CST1: variants seen among roughly 807,000 people sequenced by gnomAD.
The protein encoded by CST1 is cystatin-SN.
CST1 carries 19 observed loss-of-function variants against 10.7 expected under a neutral mutation model. The observed-to-expected ratio is 1.78, with a 90% CI of 1.24 to 2.61. The LOEUF (loss-of-function observed/expected upper bound fraction) is 2.61, where lower values mean the gene tolerates loss of function less well. Among genes scored for constraint, CST1 ranks in the 30% most tolerant of loss-of-function variants. The pLI, the probability that CST1 is intolerant of heterozygous loss-of-function variation, is 0.00. For synonymous variants in CST1, 95 were observed against 72.8 expected (o/e 1.31, Z -1.55); for missense variants, 247 against 178.1 (o/e 1.39, Z -2.20).
chr20:23,748,109 G>A (rs1982718320), intron 2 of CST1, among the ~76,000 whole-genome samples: 1 of 152,120 alleles, frequency 6.6e-6, no homozygotes, highest in African/African-American at 2.4e-5. Flanking sequence ...GGTGGCATTG[G>A]GACCCCACCC....
At position 23,747,619 on chromosome 20, in the gene CST1, A is replaced by G. The variant is rs1338467231; in HGVS notation, c.*197T>C. ...GGGGTGTGTACCATGTACCAGGGCT[A>G]TTAGAAGCAAGAAGGAAGGAGGGAG... On this transcript the variant is annotated 3_prime_UTR_variant, in exon 3 of 3. Coordinates refer to ENST00000304749, the MANE Select transcript of CST1 (RefSeq NM_001898.3). 1.3e-5 allele frequency: 8 copies of G among 605,350 alleles called. No individual in the cohort carries two copies. The highest frequency in any genetic ancestry group is 2.1e-5 in the Non-Finnish European group (7 of 339,348). 37.5% of individuals were successfully genotyped at this position (605,350 alleles called of 1,614,324 possible).
intron 1 of CST1, among the ~76,000 whole-genome samples, chr20:23,750,126 T>C (rs1600406537): frequency 6.6e-6 from 1 of 151,686 alleles, no homozygotes; most frequent in South Asian, 2.1e-4. Context: ...AGAGGCAGGG[T>C]CAGGCATGCT....
chr20:23,748,520 C>T (rs1169936566), intron 2 of CST1, among the ~76,000 whole-genome samples: 2 of 152,104 alleles, frequency 1.3e-5, no homozygotes, highest in Non-Finnish European at 2.9e-5. Flanking sequence ...AGAGCCCCTT[C>T]TCCCTGCCCA....
rs753225892 is a variant in CST1, at chr20:23,749,087, G to A, written c.271C>T (p.Arg91Cys). 1.1e-5 allele frequency: 18 copies of A among 1,613,912 alleles called. No homozygotes were observed. Among genetic ancestry groups the A allele is most frequent in the African/African-American group, 8.0e-5 (6 of 74,882 alleles). Residue 91 changes from arginine to cysteine, a missense_variant, in exon 2 of 3, where the codon CGC becomes TGC. Arg to Cys is a radical substitution (Grantham distance 180). Transcript: ENST00000304749. ...GGCTGGGACTTGGTACATATGGTGC[G>A]GCCCACCTCTACGTCGAAGAAGTAA... Reference protein sequence around the residue: ...VNYFFDVEVGRTICTKSQPNL... With the variant: ...VNYFFDVEVGCTICTKSQPNL...
chr20:23,747,721 G>A lies in CST1; in HGVS notation c.*95C>T, dbSNP rs1982699660. The A allele has an allele frequency of 1.7e-6, 2 of 1,200,824 alleles. No individual in the cohort carries two copies. Among genetic ancestry groups the A allele is most frequent in the African/African-American group, 3.0e-5 (2 of 66,878 alleles). The allele number at this position is 1,200,824 out of a possible 1,614,324, so 74.4% of individuals were successfully genotyped here. ...TCTCTTGGCGCAGGCACATGGGGAGGCCTCCCGCAGGGTGGGGGCCACCAG... is the reference window on the plus strand; with the variant it reads ...TCTCTTGGCGCAGGCACATGGGGAGACCTCCCGCAGGGTGGGGGCCACCAG... On this transcript the variant is annotated 3_prime_UTR_variant, in exon 3 of 3. Coordinates refer to ENST00000304749, the MANE Select transcript of CST1 (RefSeq NM_001898.3).
At chr20:23,749,193 T>G in intron 1 of CST1, 64 bp from the exon 2 acceptor site, 1 of 1,474,944 alleles carries the variant, frequency 6.8e-7, no homozygotes, top group Non-Finnish European at 9.5e-7. Context: ...CACTTCACTG[T>G]GGCTGAGTCA....
At chr20:23,750,033 G>T (rs142475489) in intron 1 of CST1, among the ~76,000 whole-genome samples, 1 of 151,784 alleles carries the variant, frequency 6.6e-6, no homozygotes, top group African/African-American at 2.4e-5. Context: ...CCCTGCTGAA[G>T]CTCCCTCCCG....
chr20:23,747,993 T>C lies in CST1; in HGVS notation c.343-94A>G, dbSNP rs577350541. The C allele has an allele frequency of 1.9e-5, 24 of 1,264,160 alleles. No homozygotes were observed. In the Middle Eastern group the frequency reaches 5.5e-4, roughly 29 times the overall value. 78.3% of individuals were successfully genotyped at this position (1,264,160 alleles called of 1,614,324 possible). A position where few individuals can be genotyped will look rare whatever the true frequency, so the allele number is the denominator to read the frequency against. ...GATGTCAGAGCCTGGGTGAGGAGGA[T>C]GGAGGTGAGACACTGGGCCCTCACC... On this transcript the variant is annotated intron_variant, in intron 2 of 2. Transcript: ENST00000304749.
intron 2 of CST1, 31 bp downstream of exon 2, chr20:23,748,985 G>A: frequency 6.2e-7 from 1 of 1,613,804 alleles, no homozygotes; most frequent in East Asian, 2.2e-5. Context: ...TGCAGTGCAT[G>A]ACTGGCCCGG....
At chr20:23,748,691 C>G (rs1234781208) in intron 2 of CST1, among the ~76,000 whole-genome samples, 1 of 152,154 alleles carries the variant, frequency 6.6e-6, no homozygotes, top group Non-Finnish European at 1.5e-5. Flanking sequence ...TGGACAACTA[C>G]GTAAACTCAC....
chr20:23,750,655 AG>A lies in CST1; in HGVS notation c.211del (p.Leu71Ter), dbSNP rs1254533061. On this transcript the variant is annotated frameshift_variant, in exon 1 of 3. Transcript: ENST00000304749. LOFTEE classifies it high-confidence loss of function. ...DDYYRRPLRVLRARQQTVGGV... is the reference protein window; with the variant it reads ...DDYYRRPLRVXRARQQTVGGV... Reference sequence around the variant, plus strand: ...AGCACCTACCTGTTGCCTGGCTCTTAGTACCCGCAGCGGACGTCTGTAGTAG... The same window carrying A: ...AGCACCTACCTGTTGCCTGGCTCTTATACCCGCAGCGGACGTCTGTAGTAG... The A allele has an allele frequency of 3.1e-6, 5 of 1,613,718 alleles. No homozygotes were observed. The highest frequency in any genetic ancestry group is 4.2e-6 in the Non-Finnish European group (5 of 1,180,010).
At chr20:23,748,836 A>C (rs1260819953) in intron 2 of CST1, among the ~76,000 whole-genome samples, 180 bp downstream of exon 2, 1 of 151,758 alleles carries the variant, frequency 6.6e-6, no homozygotes, top group African/African-American at 2.4e-5. Flanking sequence ...ACCTTTCCAC[A>C]TGCACACCTA....
At position 23,750,731 on chromosome 20, in the gene CST1, G is replaced by T; in HGVS notation, c.136C>A (p.Arg46Ser). The T allele has an allele frequency of 6.2e-7, 1 of 1,614,132 alleles. No individual in the cohort carries two copies. Among genetic ancestry groups the T allele is most frequent in the Non-Finnish European group, 8.5e-7 (1 of 1,180,012 alleles). The change falls in exon 1 of 3, where the codon CGT becomes AGT. Residue 46 changes from arginine (R) to serine (S), a missense_variant. Coordinates refer to ENST00000304749, the MANE Select transcript of CST1 (RefSeq NM_001898.3). ...NADLNDEWVQ[R>S]ALHFAISEYN... Reference sequence around the variant, plus strand: ...TCGCTGATGGCGAAGTGAAGGGCACGCTGTACCCACTCATCATTGAGGTCT... The same window carrying T: ...TCGCTGATGGCGAAGTGAAGGGCACTCTGTACCCACTCATCATTGAGGTCT...
At chr20:23,748,364 C>G (rs1452458321) in intron 2 of CST1, among the ~76,000 whole-genome samples, 1 of 152,132 alleles carries the variant, frequency 6.6e-6, no homozygotes, top group Admixed American at 6.5e-5. Context: ...GAGTGGAGAC[C>G]TCACAAGAAC....
At chr20:23,750,077 C>A (rs1210144639) in intron 1 of CST1, among the ~76,000 whole-genome samples, 1 of 152,014 alleles carries the variant, frequency 6.6e-6, no homozygotes, top group Non-Finnish European at 1.5e-5. Context: ...TGGGTGACCA[C>A]TGTCCTCATC....
At chr20:23,748,232 C>A (rs1193886171) in intron 2 of CST1, among the ~76,000 whole-genome samples, 1 of 152,050 alleles carries the variant, frequency 6.6e-6, no homozygotes, top group South Asian at 2.1e-4. Flanking sequence ...CCAGCTCCTT[C>A]CACCTCCAGC....
chr20:23,750,667 G>A lies in CST1; in HGVS notation c.200C>T (p.Pro67Leu), dbSNP rs759636003. The A allele has an allele frequency of 3.6e-5, 58 of 1,613,886 alleles. No individual in the cohort carries two copies. In the East Asian group the frequency reaches 7.8e-4, roughly 22 times the overall value. The change falls in exon 1 of 3, where the codon CCG becomes CTG. Residue 67 changes from proline to leucine, a missense_variant. Transcript: ENST00000304749. ...TTGCCTGGCTCTTAGTACCCGCAGC[G>A]GACGTCTGTAGTAGTCATCTTTGGT... Reference protein sequence around the residue: ...KATKDDYYRRPLRVLRARQQT... With the variant: ...KATKDDYYRRLLRVLRARQQT...
rs1387722263 is a variant in CST1, at chr20:23,747,806, G to A, written c.*10C>T. ...GGTGGTGGCTGGTGCGAATGGCCTG[G>A]CACAGATCCCTAGGATTCTTGACAC... On this transcript the variant is annotated 3_prime_UTR_variant, in exon 3 of 3. Transcript: ENST00000304749. The A allele has an allele frequency of 6.2e-7, 1 of 1,612,986 alleles. No homozygotes were observed. Among genetic ancestry groups the A allele is most frequent in the Non-Finnish European group, 8.5e-7 (1 of 1,179,160 alleles).
Position 23,747,769 on chromosome 20 carries a change from G to T in CST1, c.*47C>A, listed in dbSNP as rs376276906. 4.8e-4 allele frequency: 760 copies of T among 1,581,976 alleles called. 3 individuals carry two copies. The African/African-American group carries it at 6.1e-3, about 13-fold the overall frequency. On this transcript the variant is annotated 3_prime_UTR_variant, in exon 3 of 3. Transcript: ENST00000304749. ...CAGTCCAGGGGTGGGAGCACTACAG[G>T]GGGTGGGAGTGGGTGGTGGCTGGTG...
Sources: gnomAD v4.1 joint callset for allele counts (sites outside exome capture counted in the v4.1 genomes callset) on GRCh38, gnomAD v4.1.1 for gene constraint, MANE v1.5 for transcripts, NCBI Gene and HGNC (gene_info 2026-07-23, HGNC 2026-07-21) for gene names.